SLC35F3: variants seen among roughly 807,000 people sequenced by gnomAD.
The protein encoded by SLC35F3 is putative thiamine transporter SLC35F3.
In SLC35F3, 25 loss-of-function variants were observed where a neutral mutation model predicts 49.9. The observed-to-expected ratio is 0.50, with a 90% CI of 0.37 to 0.70. The LOEUF (loss-of-function observed/expected upper bound fraction) is 0.70, where lower values mean the gene tolerates loss of function less well. Among genes scored for constraint, SLC35F3 ranks in the 30% least tolerant of loss-of-function variants. The pLI, the probability that SLC35F3 is intolerant of heterozygous loss-of-function variation, is 0.00. For missense variants in SLC35F3, 525 were observed against 639.8 expected (o/e 0.82, Z 1.94); for synonymous variants, 275 against 265.4 (o/e 1.04, Z -0.35).
chr1:233,923,556 GT>G (rs1407339135), intron 2 of SLC35F3, among the ~76,000 whole-genome samples: 2 of 152,172 alleles, frequency 1.3e-5, no homozygotes, highest in African/African-American at 4.8e-5. Context: ...GGCTGAGACA[GT>G]GGGGTTTTCT....
chr1:233,980,890 A>T (rs117088310), intron 2 of SLC35F3, among the ~76,000 whole-genome samples: 1 of 152,212 alleles, frequency 6.6e-6, no homozygotes, highest in African/African-American at 2.4e-5. Context: ...TGCATTAACA[A>T]ATCTAATCCT....
chr1:234,129,941 G>A (rs1039306807), intron 2 of SLC35F3, among the ~76,000 whole-genome samples: 7 of 152,068 alleles, frequency 4.6e-5, no homozygotes, highest in Non-Finnish European at 7.4e-5. Flanking sequence ...AAACATAAAA[G>A]CTAATACTAT....
At chr1:234,223,879 T>G (rs1558265392) in intron 2 of SLC35F3, among the ~76,000 whole-genome samples, 1 of 152,234 alleles carries the variant, frequency 6.6e-6, no homozygotes, top group Non-Finnish European at 1.5e-5. Flanking sequence ...GGGAGGGCTC[T>G]CTTCTTGGTT....
At chr1:234,306,897 G>A in intron 3 of SLC35F3, among the ~76,000 whole-genome samples, 1 of 152,170 alleles carries the variant, frequency 6.6e-6, no homozygotes, top group East Asian at 1.9e-4. Flanking sequence ...AGTGAGCCAG[G>A]TGGAACTTGG....
At chr1:234,287,458 C>T (rs1298511442) in intron 3 of SLC35F3, among the ~76,000 whole-genome samples, 1 of 152,120 alleles carries the variant, frequency 6.6e-6, no homozygotes, top group Admixed American at 6.5e-5. Flanking sequence ...GACTATTGAG[C>T]CTTCCTAAGG....
intron 2 of SLC35F3, among the ~76,000 whole-genome samples, chr1:233,999,487 G>T (rs565721825): frequency 6.6e-6 from 1 of 152,304 alleles, no homozygotes; most frequent in South Asian, 2.1e-4. Context: ...CATCCAGGCT[G>T]ATCTCTGCTG....
At chr1:234,248,158 G>A (rs1183207272) in intron 3 of SLC35F3, among the ~76,000 whole-genome samples, 1 of 151,448 alleles carries the variant, frequency 6.6e-6, no homozygotes, top group Non-Finnish European at 1.5e-5. Context: ...TCAGTGGGTT[G>A]GTTGGCTGGT....
At chr1:233,919,726 T>C (rs1490406507) in intron 2 of SLC35F3, among the ~76,000 whole-genome samples, 2 of 152,170 alleles carry the variant, frequency 1.3e-5, no homozygotes, top group Non-Finnish European at 2.9e-5. Flanking sequence ...CCAATTTTCA[T>C]TTATGCTCAG....
intron 2 of SLC35F3, among the ~76,000 whole-genome samples, chr1:234,071,587 C>T (rs954300771): frequency 6.6e-6 from 1 of 152,110 alleles, no homozygotes; most frequent in African/African-American, 2.4e-5. Flanking sequence ...TTAGTAGGCT[C>T]TCACCATGAA....
intron 2 of SLC35F3, among the ~76,000 whole-genome samples, chr1:234,230,802 T>G (rs1370246563): frequency 6.6e-6 from 1 of 152,192 alleles, no homozygotes; most frequent in Non-Finnish European, 1.5e-5. Context: ...GGAAGCCAGT[T>G]AAAGCAGATA....
intron 2 of SLC35F3, among the ~76,000 whole-genome samples, chr1:234,150,104 C>T (rs1347522069): frequency 6.6e-6 from 1 of 152,218 alleles, no homozygotes; most frequent in Non-Finnish European, 1.5e-5. Flanking sequence ...TTTTGCTCAT[C>T]CAATCCTACT....
chr1:234,174,424 T>C (rs372625488), intron 2 of SLC35F3, among the ~76,000 whole-genome samples: 97 of 152,358 alleles, frequency 6.4e-4, no homozygotes, highest in African/African-American at 2.2e-3. Flanking sequence ...TCATAGCTTC[T>C]ATTTGTTGAG....
At chr1:234,296,034 T>C (rs1668587487) in intron 3 of SLC35F3, among the ~76,000 whole-genome samples, 1 of 152,226 alleles carries the variant, frequency 6.6e-6, no homozygotes, top group Non-Finnish European at 1.5e-5. Context: ...AAACCAATCA[T>C]TGCTGATGTG....
At position 234,214,367 on chromosome 1, in the gene SLC35F3, G is replaced by T; in HGVS notation, c.284-17050G>T. The T allele has an allele frequency of 7.4e-7, 1 of 1,350,316 alleles. No individual in the cohort carries two copies. Among genetic ancestry groups the T allele is most frequent in the Non-Finnish European group, 9.5e-7 (1 of 1,052,020 alleles). The allele number at this position is 1,350,316 out of a possible 1,614,324, so 83.6% of individuals were successfully genotyped here. The stretch of plus-strand genomic sequence containing the variant: ...GCGGGCAGCCGGGGAGGCCGGGACT[G>T]AGAGGGGCGAGCCGCTGGTGCTCCC... On this transcript the variant is annotated intron_variant, in intron 2 of 7. Coordinates refer to ENST00000366618, the MANE Select transcript of SLC35F3 (RefSeq NM_173508.4). This position sits in a 1 kb window ranked among gnomAD's most constrained non-coding sequence, Gnocchi z 8.0.
chr1:234,276,852 G>A (rs1454343140), intron 3 of SLC35F3, among the ~76,000 whole-genome samples: 2 of 152,322 alleles, frequency 1.3e-5, no homozygotes, highest in African/African-American at 4.8e-5. Context: ...TTATTTGGAT[G>A]TTAATGGAAT....
intron 2 of SLC35F3, among the ~76,000 whole-genome samples, chr1:234,078,843 T>G (rs1399575874): frequency 6.6e-6 from 1 of 152,246 alleles, no homozygotes; most frequent in African/African-American, 2.4e-5. Context: ...ATGACTGACC[T>G]TGCAGGTCAG....
chr1:234,187,976 G>A (rs533551670), intron 2 of SLC35F3, among the ~76,000 whole-genome samples: 152 of 152,282 alleles, frequency 1.0e-3, no homozygotes, highest in African/African-American at 3.4e-3. Context: ...GTTTCTCAAC[G>A]CCTGTAATCC....
chr1:234,126,626 C>T (rs1456333069), intron 2 of SLC35F3, among the ~76,000 whole-genome samples: 1 of 152,198 alleles, frequency 6.6e-6, no homozygotes. Flanking sequence ...TACCACATCA[C>T]CTGCTTCTCC....
At chr1:234,279,884 G>C (rs983871618) in intron 3 of SLC35F3, among the ~76,000 whole-genome samples, 3 of 152,200 alleles carry the variant, frequency 2.0e-5, no homozygotes, top group African/African-American at 7.2e-5. Flanking sequence ...CATCAAATTA[G>C]GGATGTGTTT....
Sources: gnomAD v4.1 joint callset for allele counts (sites outside exome capture counted in the v4.1 genomes callset) on GRCh38, gnomAD v4.1.1 for gene constraint, Gnocchi (gnomAD v3.1) non-coding constraint, MANE v1.5 for transcripts, NCBI Gene and HGNC (gene_info 2026-07-23, HGNC 2026-07-21) for gene names.